The following STXBP6 variants were observed in gnomAD, a reference collection of about 807,000 sequenced individuals.
The protein encoded by STXBP6 is syntaxin binding protein 6.
Under a neutral mutation model 26.9 loss-of-function variants are expected in STXBP6, and 21 were observed. The observed-to-expected ratio is 0.78, with a 90% CI of 0.55 to 1.12. The LOEUF is 1.12. Among genes scored for constraint, STXBP6 ranks in the 50% most tolerant of loss-of-function variants. The pLI, the probability that STXBP6 is intolerant of heterozygous loss-of-function variation, is 0.00. For synonymous variants in STXBP6, 97 were observed against 92.6 expected, an observed-to-expected ratio of 1.05 and a Z score of -0.27; for missense variants, 232 against 257.9, an observed-to-expected ratio of 0.90 and a Z score of 0.69.
intron 2 of STXBP6, among the ~76,000 whole-genome samples, chr14:24,966,955 A>G (rs1327404716): frequency 6.6e-6 from 1 of 152,218 alleles, no homozygotes; most frequent in Non-Finnish European, 1.5e-5. Context: ...TCGAGACATG[A>G]TTATCACTAA....
intron 1 of STXBP6, among the ~76,000 whole-genome samples, chr14:25,024,346 T>C (rs2075311418): frequency 6.6e-6 from 1 of 151,934 alleles, no homozygotes; most frequent in African/African-American, 2.4e-5. Flanking sequence ...TATGTTAAAA[T>C]GTAAAATAAA....
At chr14:24,864,695 A>C (rs1055151192) in intron 2 of STXBP6, among the ~76,000 whole-genome samples, 29 of 152,148 alleles carry the variant, frequency 1.9e-4, no homozygotes, top group Middle Eastern at 3.2e-3. Context: ...CTAGATACTA[A>C]ACATATATCA....
At chr14:24,990,862 G>C (rs1254618897) in intron 1 of STXBP6, among the ~76,000 whole-genome samples, 1 of 151,674 alleles carries the variant, frequency 6.6e-6, no homozygotes, top group African/African-American at 2.4e-5. Context: ...AGAGAGAAGA[G>C]GAGGGAGAGA....
intron 2 of STXBP6, among the ~76,000 whole-genome samples, chr14:24,863,101 C>A (rs1332832920): frequency 3.3e-5 from 5 of 152,084 alleles, no homozygotes; most frequent in Non-Finnish European, 1.5e-5. Context: ...AAAGGATACT[C>A]TCTTTTTCAA....
chr14:24,821,380 T>C (rs1329869838), intron 4 of STXBP6, among the ~76,000 whole-genome samples: 3 of 152,252 alleles, frequency 2.0e-5, no homozygotes, highest in Non-Finnish European at 4.4e-5. Context: ...TAAGCCTTGC[T>C]GCTTTGTTGC....
chr14:24,987,938 A>T (rs2074374359), intron 1 of STXBP6: 3 of 960,390 alleles, frequency 3.1e-6, no homozygotes, highest in Middle Eastern at 5.3e-4. Flanking sequence ...GGAGAAGAAG[A>T]GCAACAAAGT....
intron 1 of STXBP6, among the ~76,000 whole-genome samples, chr14:25,011,141 A>T (rs1439951930): frequency 1.3e-5 from 2 of 151,208 alleles, no homozygotes; most frequent in African/African-American, 4.9e-5. Context: ...AGTATTAAAG[A>T]TCTACTTTCC....
chr14:25,031,340 G>A (rs2075450543), intron 1 of STXBP6, among the ~76,000 whole-genome samples: 1 of 152,180 alleles, frequency 6.6e-6, no homozygotes, highest in Non-Finnish European at 1.5e-5. Flanking sequence ...AGAATTCTGA[G>A]TTTACTACTC....
intron 4 of STXBP6, among the ~76,000 whole-genome samples, chr14:24,837,022 G>C (rs546272220): frequency 6.6e-6 from 1 of 152,328 alleles, no homozygotes; most frequent in East Asian, 1.9e-4. Flanking sequence ...TAATTCATAT[G>C]TTAGGTGATA....
At chr14:24,988,003 A>G (rs963456454) in intron 1 of STXBP6, 1 of 460,870 alleles carries the variant, frequency 2.2e-6, no homozygotes, top group Non-Finnish European at 2.9e-6. Flanking sequence ...TCAACAAGTT[A>G]GCCAATCAAT....
At chr14:24,936,221 T>C (rs1199353435) in intron 2 of STXBP6, among the ~76,000 whole-genome samples, 1 of 152,142 alleles carries the variant, frequency 6.6e-6, no homozygotes, top group African/African-American at 2.4e-5. Flanking sequence ...CACTTGCTGT[T>C]TGCTTTTCAA....
At chr14:25,031,311 A>G (rs2075449882) in intron 1 of STXBP6, among the ~76,000 whole-genome samples, 1 of 152,198 alleles carries the variant, frequency 6.6e-6, no homozygotes, top group Non-Finnish European at 1.5e-5. Flanking sequence ...TGAGCTGGAG[A>G]ATCGAGAGAT....
intron 5 of STXBP6, among the ~76,000 whole-genome samples, chr14:24,813,923 C>T (rs1453196898): frequency 6.6e-6 from 1 of 152,182 alleles, no homozygotes; most frequent in Non-Finnish European, 1.5e-5. Flanking sequence ...CAACAAGTGT[C>T]CCCAGCCAGG....
At chr14:24,988,867 C>A (rs2140275028) in intron 1 of STXBP6, among the ~76,000 whole-genome samples, 1 of 152,300 alleles carries the variant, frequency 6.6e-6, no homozygotes, top group East Asian at 1.9e-4. Flanking sequence ...AGGTACTCTT[C>A]AAACGTCCAT....
intron 2 of STXBP6, among the ~76,000 whole-genome samples, chr14:24,938,885 C>G (rs1274034728): frequency 6.6e-6 from 1 of 152,062 alleles, no homozygotes; most frequent in African/African-American, 2.4e-5. Flanking sequence ...CTCTATTAAA[C>G]CATTGTGGCA....
At chr14:25,027,042 G>A (rs953733349) in intron 1 of STXBP6, among the ~76,000 whole-genome samples, 25 of 152,236 alleles carry the variant, frequency 1.6e-4, no homozygotes, top group Admixed American at 3.3e-4. Context: ...TCCCAATTGC[G>A]GGGACAGAAA....
intron 4 of STXBP6, among the ~76,000 whole-genome samples, chr14:24,842,377 T>C (rs536673424): frequency 1.3e-5 from 2 of 152,364 alleles, no homozygotes; most frequent in South Asian, 2.1e-4. Context: ...CTTCCAGACC[T>C]GGAATCCAGC....
intron 2 of STXBP6, among the ~76,000 whole-genome samples, chr14:24,859,790 G>A (rs535623377): frequency 7.9e-5 from 12 of 152,246 alleles, no homozygotes; most frequent in Middle Eastern, 3.4e-3. Context: ...CATTCACAGG[G>A]AAGAGACCAA....
At chr14:24,973,370 GCTTTCTTC>G (rs566026139) in intron 2 of STXBP6, among the ~76,000 whole-genome samples, 1 of 135,898 alleles carries the variant, frequency 7.4e-6, no homozygotes, top group African/African-American at 3.0e-5. Context: ...TTAAATAAAA[GCTTTCTTC>G]CTTTTTTTTT....
Sources: allele counts gnomAD v4.1 joint callset (sites outside exome capture counted in the v4.1 genomes callset), GRCh38; gene constraint gnomAD v4.1.1; transcripts MANE v1.5; gene names NCBI Gene and HGNC (gene_info 2026-07-23, HGNC 2026-07-21).